The following NRF1 variants were observed in gnomAD, a reference collection of about 807,000 sequenced individuals.
The protein encoded by NRF1 is nuclear respiratory factor 1, also known as alpha palindromic-binding protein.
A neutral mutation model predicts 58.5 loss-of-function variants in NRF1; 5 were observed. The observed-to-expected ratio is 0.09, with a 90% confidence interval of 0.04 to 0.18. The LOEUF is 0.18. NRF1 is among the 10% of genes least tolerant of loss of function. The pLI is 1.00. For missense variants in NRF1, 288 were observed against 657.7 expected, an observed-to-expected ratio of 0.44 and a Z score of 6.15; for synonymous variants, 224 against 246.7, an observed-to-expected ratio of 0.91 and a Z score of 0.86.
intron 1 of NRF1, among the ~76,000 whole-genome samples, chr7:129,623,024 A>G (rs1800836645): frequency 6.6e-6 from 1 of 152,102 alleles, no homozygotes; most frequent in South Asian, 2.1e-4. Flanking sequence ...CTCCTAATAC[A>G]TATTTGTTGA....
At chr7:129,736,814 TG>T (rs1803726159) in intron 10 of NRF1, among the ~76,000 whole-genome samples, 1 of 151,260 alleles carries the variant, frequency 6.6e-6, no homozygotes, top group South Asian at 2.1e-4. Flanking sequence ...TGTAGATACC[TG>T]GTATAGCACT....
intron 1 of NRF1, among the ~76,000 whole-genome samples, chr7:129,652,063 A>G (rs1801549193): frequency 6.6e-6 from 1 of 152,208 alleles, no homozygotes; most frequent in Non-Finnish European, 1.5e-5. Context: ...CAAATCACCT[A>G]AAGAATAAAG....
chr7:129,719,497 AAC>A (rs67443980), intron 9 of NRF1, among the ~76,000 whole-genome samples: 2,946 of 141,886 alleles, frequency 0.021, 97 homozygotes, highest in African/African-American at 0.067. Flanking sequence ...AGGAAACTGA[AAC>A]ACACACACAC....
chr7:129,739,429 G>A (rs1803796671), intron 10 of NRF1, among the ~76,000 whole-genome samples: 2 of 151,916 alleles, frequency 1.3e-5, no homozygotes, highest in Non-Finnish European at 2.9e-5. Context: ...CAATAACACT[G>A]TGGTCTCCTG....
chr7:129,756,261 A>T lies in NRF1; in HGVS notation c.*1080A>T, dbSNP rs879907826. ...GGCGCTGGAATGAACAAGAAGAGAC[A>T]TCTGGTCTGTGGCCACAGCACCCTG... On this transcript the variant is annotated 3_prime_UTR_variant, in exon 11 of 11. Transcript: ENST00000393232. The T allele has an allele frequency of 3.3e-5, 5 of 152,266 alleles. No individual in the cohort carries two copies. Among genetic ancestry groups the T allele is most frequent in the Admixed American group, 2.0e-4 (3 of 15,280 alleles). 9.4% of individuals were successfully genotyped at this position (152,266 alleles called of 1,614,324 possible).
At chr7:129,689,366 A>G in intron 4 of NRF1, among the ~76,000 whole-genome samples, 1 of 152,192 alleles carries the variant, frequency 6.6e-6, no homozygotes. Flanking sequence ...ACTTCTAGTC[A>G]AACCTCATTT....
chr7:129,713,550 A>G (rs978790217), intron 8 of NRF1, among the ~76,000 whole-genome samples: 3 of 152,230 alleles, frequency 2.0e-5, no homozygotes, highest in South Asian at 2.1e-4. Flanking sequence ...GAAAATATCA[A>G]TAGTATTTTT....
intron 4 of NRF1, among the ~76,000 whole-genome samples, chr7:129,682,744 G>C (rs1423876020): frequency 6.6e-6 from 1 of 151,854 alleles, no homozygotes; most frequent in African/African-American, 2.4e-5. Flanking sequence ...CAAGGATGCA[G>C]TGAACTATGA....
At chr7:129,668,485 C>T (rs1457922086) in intron 2 of NRF1, among the ~76,000 whole-genome samples, 1 of 152,112 alleles carries the variant, frequency 6.6e-6, no homozygotes, top group Admixed American at 6.5e-5. Context: ...TATCAAATTC[C>T]ACAAAATCCC....
chr7:129,614,695 C>G (rs1344930041), intron 1 of NRF1, among the ~76,000 whole-genome samples: 1 of 151,910 alleles, frequency 6.6e-6, no homozygotes. Context: ...TAATGAGGGC[C>G]CTTGTCCAGA....
intron 1 of NRF1, among the ~76,000 whole-genome samples, chr7:129,637,015 C>T (rs536972043): frequency 1.3e-5 from 2 of 152,214 alleles, no homozygotes; most frequent in South Asian, 2.1e-4. Context: ...ACCCACAGAC[C>T]AGTCAATAAG....
At position 129,711,723 on chromosome 7, in the gene NRF1, G is replaced by T. The variant is rs191117817; in HGVS notation, c.1065+147G>T. The T allele has an allele frequency of 1.3e-5, 8 of 614,880 alleles. No homozygotes were observed. The Admixed American group carries it at 2.5e-4, about 19-fold the overall frequency. The allele number at this position is 614,880 out of a possible 1,614,324, so 38.1% of individuals were successfully genotyped here. On this transcript the variant is annotated intron_variant, in intron 8 of 10. Transcript: ENST00000393232. ...AGAGCATGAGACCATGAAAGTTTTA[G>T]AAAGTGTCTTATGCTATGTGTATTA...
At chr7:129,639,218 C>A (rs1801235822) in intron 1 of NRF1, among the ~76,000 whole-genome samples, 1 of 152,004 alleles carries the variant, frequency 6.6e-6, no homozygotes, top group Non-Finnish European at 1.5e-5. Flanking sequence ...CGCCACCATG[C>A]CTGGCTAATT....
At chr7:129,710,638 C>A in intron 7 of NRF1, 67 bp downstream of exon 7, 1 of 829,562 alleles carries the variant, frequency 1.2e-6, no homozygotes, top group Non-Finnish European at 2.1e-6. Context: ...TCACCTCAGA[C>A]TAGGGAAAGT....
Position 129,735,404 on chromosome 7 carries a change from C to T in NRF1, c.1348+8039C>T, listed in dbSNP as rs1434756620. The T allele has an allele frequency of 3.7e-5, 7 of 191,380 alleles. No homozygotes were observed. In the South Asian group the frequency reaches 7.2e-4, roughly 20 times the overall value. The allele number at this position is 191,380 out of a possible 1,614,324, so 11.9% of individuals were successfully genotyped here. A position where few individuals can be genotyped will look rare whatever the true frequency, so the allele number is the denominator to read the frequency against. ...ATTTAGCCGGGCGTGGTGGCACACG[C>T]CTGTAGTCCCAGCTACTTGGGAGGC... On this transcript the variant is annotated intron_variant, in intron 10 of 10. Coordinates refer to ENST00000393232, the MANE Select transcript of NRF1 (RefSeq NM_005011.5).
intron 2 of NRF1, among the ~76,000 whole-genome samples, chr7:129,657,997 G>T (rs1484233804): frequency 1.3e-5 from 2 of 152,104 alleles, no homozygotes; most frequent in Non-Finnish European, 2.9e-5. Context: ...TACTATCAGT[G>T]TTATGGCTTT....
intron 1 of NRF1, among the ~76,000 whole-genome samples, chr7:129,649,785 ACT>A (rs1801495794): frequency 6.6e-6 from 1 of 152,024 alleles, no homozygotes; most frequent in African/African-American, 2.4e-5. Flanking sequence ...AGAGGGTCTC[ACT>A]CTGTCACTCA....
intron 1 of NRF1, 42 bp from the exon 2 acceptor site, chr7:129,657,304 A>C (rs766626493): frequency 1.4e-6 from 2 of 1,389,498 alleles, no homozygotes; most frequent in Admixed American, 3.4e-5. Context: ...GTGTTATATT[A>C]CACACTGAAT....
intron 1 of NRF1, among the ~76,000 whole-genome samples, chr7:129,636,909 A>G (rs890896280): frequency 1.1e-4 from 16 of 152,184 alleles, no homozygotes; most frequent in African/African-American, 3.9e-4. Flanking sequence ...ATTGGAGCCA[A>G]TTTGTGTGTT....
Sources: allele counts gnomAD v4.1 joint callset (sites outside exome capture counted in the v4.1 genomes callset), GRCh38; gene constraint gnomAD v4.1.1; transcripts MANE v1.5; gene names NCBI Gene and HGNC (gene_info 2026-07-23, HGNC 2026-07-21).